RAB5A: variants seen among roughly 807,000 people sequenced by gnomAD.
RAB5A encodes the protein RAB5A, member RAS oncogene family, also known as ras-related protein Rab-5A.
Under a neutral mutation model 25.7 loss-of-function variants are expected in RAB5A, and 8 were observed. That is an observed-to-expected ratio of 0.31 (90% CI 0.18 to 0.56). The LOEUF (loss-of-function observed/expected upper bound fraction) is 0.56. Ranked by LOEUF, RAB5A falls within the 20% of genes least tolerant of loss-of-function variation. RAB5A has a pLI of 0.91. For missense variants in RAB5A, 192 were observed against 259.7 expected (o/e 0.74, Z 1.79); for synonymous variants, 98 against 89.8 (o/e 1.09, Z -0.52).
chr3:19,956,936 G>GT (rs200691529), intron 2 of RAB5A, among the ~76,000 whole-genome samples: 24,478 of 140,930 alleles, frequency 0.17, 1,969 homozygotes, highest in South Asian at 0.21. Context: ...AAAATTTTGT[G>GT]TTTTTTTTCC....
intron 1 of RAB5A, among the ~76,000 whole-genome samples, chr3:19,950,510 C>T (rs1201992953): frequency 6.6e-6 from 1 of 152,024 alleles, no homozygotes; most frequent in Non-Finnish European, 1.5e-5. Flanking sequence ...GTGCTTGTTT[C>T]CTCATTTATA....
Position 19,947,141 on chromosome 3 carries a change from A to C in RAB5A, c.-474A>C, listed in dbSNP as rs945687962. 8 of 156,226 alleles carry C rather than the reference A, an allele frequency of 5.1e-5. No individual in the cohort carries two copies. The South Asian group carries it at 1.1e-3, about 21-fold the overall frequency. The allele number at this position is 156,226 out of a possible 1,614,324, so 9.7% of individuals were successfully genotyped here. ...CGTGGCGGCGGGGCCGGCACCGGGCAGCGGAAGTGGCTCCGGCGGTGGGAC... is the reference window on the plus strand; with the variant it reads ...CGTGGCGGCGGGGCCGGCACCGGGCCGCGGAAGTGGCTCCGGCGGTGGGAC... On this transcript the variant is annotated 5_prime_UTR_variant, in exon 1 of 6. Coordinates refer to ENST00000273047, the MANE Select transcript of RAB5A (RefSeq NM_004162.5).
intron 2 of RAB5A, among the ~76,000 whole-genome samples, chr3:19,970,973 G>A (rs1317384392): frequency 6.6e-6 from 1 of 152,120 alleles, no homozygotes; most frequent in Non-Finnish European, 1.5e-5. Flanking sequence ...AAGGCGGATG[G>A]ATCACCAGAG....
At chr3:19,966,431 T>C (rs1696663392) in intron 2 of RAB5A, among the ~76,000 whole-genome samples, 1 of 152,250 alleles carries the variant, frequency 6.6e-6, no homozygotes, top group Non-Finnish European at 1.5e-5. Flanking sequence ...TTCATCTTGC[T>C]TGTCCATCAT....
At chr3:19,976,198 G>T in intron 4 of RAB5A, 29 bp downstream of exon 4, 1 of 1,589,548 alleles carries the variant, frequency 6.3e-7, no homozygotes, top group South Asian at 1.2e-5. Flanking sequence ...TCATTTGAAA[G>T]GCACTTTTTT....
rs1234997397 is a variant in RAB5A at position 19,950,822 on chromosome 3, AAAG to A, written c.-71_-69del. 7.0e-7 allele frequency: 1 copy of A among 1,435,308 alleles called. No individual in the cohort carries two copies. The highest frequency in any genetic ancestry group is 1.4e-5 in the African/African-American group (1 of 69,852). 88.9% of individuals were successfully genotyped at this position (1,435,308 alleles called of 1,614,324 possible). A position where few individuals can be genotyped will look rare whatever the true frequency, so the allele number is the denominator to read the frequency against. On this transcript the variant is annotated 5_prime_UTR_variant, in exon 2 of 6. Coordinates refer to ENST00000273047, the MANE Select transcript of RAB5A (RefSeq NM_004162.5). ...TCTTTACAGGTTTCTTTACCTCCAG[AAAG>A]AAGAATATTGGCCCCTTGAATTCTG...
Position 19,947,285 on chromosome 3 carries a change from C to CGGCGGCGGCGGCGGA in RAB5A, c.-328_-327insCGGCGGCGGCGGAGG, listed in dbSNP as rs1336582507. 11 of 183,254 alleles carry CGGCGGCGGCGGCGGA rather than the reference C, an allele frequency of 6.0e-5. No individual in the cohort carries two copies. Among genetic ancestry groups the CGGCGGCGGCGGCGGA allele is most frequent in the South Asian group, 9.1e-5 (1 of 10,964 alleles). 11.4% of individuals were successfully genotyped at this position (183,254 alleles called of 1,614,324 possible). A position where few individuals can be genotyped will look rare whatever the true frequency, so the allele number is the denominator to read the frequency against. On this transcript the variant is annotated 5_prime_UTR_variant, in exon 1 of 6. Transcript: ENST00000273047. Reference sequence around the variant, plus strand: ...CCAGCGCCGGCGGCGGCGGCGGCGGCGGAGGAGGAGAAAGGAAAGAGGAAG... The same window carrying CGGCGGCGGCGGCGGA: ...CCAGCGCCGGCGGCGGCGGCGGCGGCGGCGGCGGCGGCGGAGGAGGAGGAGAAAGGAAAGAGGAAG...
At position 19,951,078 on chromosome 3, in the gene RAB5A, T is replaced by TC. The variant is rs1575066040; in HGVS notation, c.163+20dup. 2 of 1,608,866 alleles carry TC rather than the reference T, an allele frequency of 1.2e-6. No homozygotes were observed. The highest frequency in any genetic ancestry group is 4.5e-5 in the East Asian group (2 of 44,850). On this transcript the variant is annotated intron_variant, in intron 2 of 5. Coordinates refer to ENST00000273047, the MANE Select transcript of RAB5A (RefSeq NM_004162.5). Reference sequence around the variant, plus strand: ...CCATTGGGGGTGAGATTTTCTTTTTTCCCTGCTTCATTTAATCGAATCATA... The same window carrying TC: ...CCATTGGGGGTGAGATTTTCTTTTTTCCCCTGCTTCATTTAATCGAATCATA...
rs1236864687 is a variant in RAB5A, at chr3:19,974,277, C to G, written c.164-1324C>G. 2.6e-5 allele frequency among the ~76,000 whole-genome samples: 4 copies of G among 151,878 alleles called. No individual in the cohort carries two copies. The East Asian group carries it at 7.7e-4, about 29-fold the overall frequency. ...TCAAACGACTCTCCTGCCTCAGCCT[C>G]CCGAGTAACCGGAACCACAGGCAAG... On this transcript the variant is annotated intron_variant, in intron 2 of 5. Coordinates refer to ENST00000273047, the MANE Select transcript of RAB5A (RefSeq NM_004162.5).
chr3:19,985,054 TA>T lies in RAB5A; in HGVS notation c.*1233del, dbSNP rs1401597128. On this transcript the variant is annotated 3_prime_UTR_variant, in exon 6 of 6. Transcript: ENST00000273047. ...TGTGTCAGAGATGATTTAATCTATT[TA>T]AGTGTTGGACTGCTAGGAGAACTTG... 4.2e-6 allele frequency: 1 copy of T among 235,436 alleles called. No individual in the cohort carries two copies. The highest frequency in any genetic ancestry group is 8.2e-6 in the Non-Finnish European group (1 of 122,412). 14.6% of individuals were successfully genotyped at this position (235,436 alleles called of 1,614,324 possible). A position where few individuals can be genotyped will look rare whatever the true frequency, so the allele number is the denominator to read the frequency against.
chr3:19,984,837 A>G lies in RAB5A; in HGVS notation c.*1014A>G, dbSNP rs1697002653. ...CTAATTATTTCTCTCTCCCCCTTTG[A>G]CAGGAAGGGGCTTCAGTTGTTCCTC... On this transcript the variant is annotated 3_prime_UTR_variant, in exon 6 of 6. Transcript: ENST00000273047. The G allele has an allele frequency of 6.5e-6, 1 of 153,070 alleles. No individual in the cohort carries two copies. The highest frequency in any genetic ancestry group is 1.5e-5 in the Non-Finnish European group (1 of 68,394). The allele number at this position is 153,070 out of a possible 1,614,324, so 9.5% of individuals were successfully genotyped here.
chr3:19,975,047 G>A (rs1382552988), intron 2 of RAB5A, among the ~76,000 whole-genome samples: 4 of 152,124 alleles, frequency 2.6e-5, no homozygotes, highest in Non-Finnish European at 5.9e-5. Flanking sequence ...CCAACATGGT[G>A]AAACCCCATC....
intron 2 of RAB5A, among the ~76,000 whole-genome samples, chr3:19,961,341 A>T (rs1237075771): frequency 6.6e-6 from 1 of 152,168 alleles, no homozygotes; most frequent in Non-Finnish European, 1.5e-5. Context: ...CTGAAATGCC[A>T]TTCATGTTCT....
intron 1 of RAB5A, among the ~76,000 whole-genome samples, chr3:19,948,680 G>A (rs1341470806): frequency 6.6e-6 from 1 of 151,942 alleles, no homozygotes; most frequent in African/African-American, 2.4e-5. Flanking sequence ...GATCCTTAGG[G>A]GGAGTAGCCA....
At chr3:19,966,293 A>G (rs1165580137) in intron 2 of RAB5A, among the ~76,000 whole-genome samples, 2 of 152,180 alleles carry the variant, frequency 1.3e-5, no homozygotes, top group Non-Finnish European at 2.9e-5. Flanking sequence ...CAGTATTTGT[A>G]CTTTTGTGGT....
intron 1 of RAB5A, among the ~76,000 whole-genome samples, chr3:19,948,626 G>A (rs1696370626): frequency 6.6e-6 from 1 of 152,208 alleles, no homozygotes; most frequent in Non-Finnish European, 1.5e-5. Flanking sequence ...TTAGTGTTAT[G>A]CTAAGTGTAT....
intron 5 of RAB5A, among the ~76,000 whole-genome samples, chr3:19,979,141 T>C (rs2125131971): frequency 6.6e-6 from 1 of 152,220 alleles, no homozygotes; most frequent in Middle Eastern, 3.4e-3. Flanking sequence ...CACGCCCAGC[T>C]AATTTTTGTA....
At chr3:19,970,502 ATC>A in intron 2 of RAB5A, 1 of 456,488 alleles carries the variant, frequency 2.2e-6, no homozygotes, top group South Asian at 1.5e-5. Flanking sequence ...CAGCACCCAC[ATC>A]TCAACGCAGC....
intron 2 of RAB5A, among the ~76,000 whole-genome samples, chr3:19,956,757 G>A (rs112026722): frequency 2.6e-5 from 4 of 152,090 alleles, no homozygotes; most frequent in African/African-American, 9.7e-5. Context: ...ACAGTAAAAG[G>A]TTTATTAAAT....
Sources: gnomAD v4.1 joint callset for allele counts (sites outside exome capture counted in the v4.1 genomes callset) on GRCh38, gnomAD v4.1.1 for gene constraint, MANE v1.5 for transcripts, NCBI Gene and HGNC (gene_info 2026-07-23, HGNC 2026-07-21) for gene names.